The following IQCB1 variants were observed in gnomAD, a reference collection of about 807,000 sequenced individuals.
IQCB1 encodes IQ calmodulin-binding motif-containing protein 1.
In IQCB1, 56 loss-of-function variants were observed where a neutral mutation model predicts 84.4. The observed-to-expected ratio is 0.66, with a 90% CI of 0.54 to 0.83. The LOEUF (loss-of-function observed/expected upper bound fraction) is 0.83, where lower values mean the gene tolerates loss of function less well. IQCB1 is among the 40% of genes least tolerant of loss of function. IQCB1 has a pLI of 0.00. For missense variants in IQCB1, 629 were observed against 682.1 expected, an observed-to-expected ratio of 0.92 and a Z score of 0.87; for synonymous variants, 210 against 234.8, an observed-to-expected ratio of 0.89 and a Z score of 0.96.
intron 10 of IQCB1, among the ~76,000 whole-genome samples, chr3:121,794,580 CAAT>C (rs1406608976): frequency 1.3e-5 from 2 of 151,942 alleles, no homozygotes; most frequent in Admixed American, 6.5e-5. Context: ...TATTCATGCC[CAAT>C]AATATTTAAA....
At chr3:121,802,329 T>C (rs143145367) in intron 7 of IQCB1, among the ~76,000 whole-genome samples, 35 of 152,242 alleles carry the variant, frequency 2.3e-4, no homozygotes, top group African/African-American at 8.4e-4. Flanking sequence ...TAGAGTATAT[T>C]TGGGTTCTCT....
chr3:121,815,266 CAAT>C (rs1950008610), intron 5 of IQCB1, among the ~76,000 whole-genome samples: 1 of 152,044 alleles, frequency 6.6e-6, no homozygotes, highest in South Asian at 2.1e-4. Context: ...TATCTCAAAA[CAAT>C]AATAACTATT....
intron 10 of IQCB1, among the ~76,000 whole-genome samples, chr3:121,790,785 A>AG (rs11374690): frequency 0.65 from 97,496 of 151,056 alleles, 31,797 homozygotes; most frequent in African/African-American, 0.72. Flanking sequence ...TTACTTACAC[A>AG]AAAAAAAAAT....
chr3:121,795,779 A>G (rs1237648711), intron 9 of IQCB1, among the ~76,000 whole-genome samples: 1 of 152,148 alleles, frequency 6.6e-6, no homozygotes, highest in East Asian at 1.9e-4. Context: ...GTTAGCTCCA[A>G]ATTCTCCCAG....
chr3:121,821,729 G>GA (rs1156282328), intron 5 of IQCB1, among the ~76,000 whole-genome samples: 3 of 152,144 alleles, frequency 2.0e-5, no homozygotes, highest in South Asian at 2.1e-4. Context: ...ATAAACTCGG[G>GA]AAAAAATATA....
At chr3:121,830,189 G>A (rs1950588197) in intron 2 of IQCB1, among the ~76,000 whole-genome samples, 2 of 140,688 alleles carry the variant, frequency 1.4e-5, no homozygotes, top group Admixed American at 1.5e-4. Flanking sequence ...GAGTGACAGA[G>A]CTAGACTCTG....
chr3:121,799,045 C>CTTTTTTTTTTTT, intron 8 of IQCB1, 151 bp downstream of exon 8: 1 of 564,264 alleles, frequency 1.8e-6, no homozygotes, highest in Non-Finnish European at 3.2e-6. Flanking sequence ...TATATAAAGA[C>CTTTTTTTTTTTT]TTTTTTTTTT....
intron 6 of IQCB1, 88 bp downstream of exon 6, chr3:121,808,828 T>C (rs1949709166): frequency 1.3e-6 from 1 of 780,040 alleles, no homozygotes; most frequent in Non-Finnish European, 2.3e-6. Context: ...GCACAGTTCA[T>C]GTGGCATTTG....
chr3:121,788,372 T>C lies in IQCB1; in HGVS notation c.1190A>G (p.His397Arg), dbSNP rs149316254. ...EEKSALIIQKHWRGYRERKNF... is the reference protein window; with the variant it reads ...EEKSALIIQKRWRGYRERKNF... Reference sequence around the variant, plus strand: ...TTTCCTTTCCCTGTACCCTCTCCAATGTTTCTGGATAATCAGTGCTGATTT... The same window carrying C: ...TTTCCTTTCCCTGTACCCTCTCCAACGTTTCTGGATAATCAGTGCTGATTT... Residue 397 changes from histidine (H) to arginine (R), a missense_variant, in exon 12 of 15, where the codon CAT becomes CGT. Coordinates refer to ENST00000310864, the MANE Select transcript of IQCB1 (RefSeq NM_001023570.4). The C allele has an allele frequency of 8.7e-6, 14 of 1,613,638 alleles. No homozygotes were observed. The African/African-American group carries it at 1.6e-4, about 18-fold the overall frequency.
intron 1 of IQCB1, among the ~76,000 whole-genome samples, 194 bp downstream of exon 1, chr3:121,834,772 G>A (rs1448627589): frequency 1.3e-5 from 2 of 152,312 alleles, no homozygotes; most frequent in Non-Finnish European, 2.9e-5. Flanking sequence ...ACTAGGCCCT[G>A]TGCCTGGACA....
At chr3:121,832,291 T>A (rs1950668794) in intron 2 of IQCB1, among the ~76,000 whole-genome samples, 1 of 152,008 alleles carries the variant, frequency 6.6e-6, no homozygotes, top group Non-Finnish European at 1.5e-5. Context: ...TTTATTTTTT[T>A]AAATTTGACT....
Position 121,770,205 on chromosome 3 carries a change from T to C in IQCB1, c.*140A>G. On this transcript the variant is annotated 3_prime_UTR_variant, in exon 15 of 15. Coordinates refer to ENST00000310864, the MANE Select transcript of IQCB1 (RefSeq NM_001023570.4). The stretch of plus-strand genomic sequence containing the variant: ...TGAGAGAGAGGTAGAATATAACTCT[T>C]TGCTTACTGCAGGTCTTGTCTGGAG... 1 of 638,646 alleles carries C rather than the reference T, an allele frequency of 1.6e-6. No individual in the cohort carries two copies. 39.6% of individuals were successfully genotyped at this position (638,646 alleles called of 1,614,324 possible).
chr3:121,821,652 T>C (rs1015233560), intron 5 of IQCB1, among the ~76,000 whole-genome samples: 2 of 152,198 alleles, frequency 1.3e-5, no homozygotes, highest in Admixed American at 6.5e-5. Context: ...AACTTAATTT[T>C]TAAAAATAAG....
intron 10 of IQCB1, among the ~76,000 whole-genome samples, chr3:121,793,277 T>C (rs978558213): frequency 2.0e-5 from 3 of 152,182 alleles, no homozygotes; most frequent in African/African-American, 7.2e-5. Context: ...AGACAAAGTT[T>C]CTGAATACGA....
chr3:121,795,334 G>GA (rs1294590459), intron 10 of IQCB1, 123 bp downstream of exon 10: 17 of 710,464 alleles, frequency 2.4e-5, no homozygotes, highest in Admixed American at 1.1e-4. Context: ...GAAACGTATG[G>GA]AAAAAAAATG....
chr3:121,794,047 G>C (rs557529992), intron 10 of IQCB1, among the ~76,000 whole-genome samples: 45 of 151,922 alleles, frequency 3.0e-4, no homozygotes, highest in Admixed American at 1.1e-3. Flanking sequence ...GCAATACCAA[G>C]AGCACCTCAG....
At chr3:121,831,463 C>A (rs929893248) in intron 2 of IQCB1, among the ~76,000 whole-genome samples, 2 of 152,126 alleles carry the variant, frequency 1.3e-5, no homozygotes, top group Admixed American at 6.5e-5. Flanking sequence ...AATTAATACA[C>A]CCCAAGGTGT....
chr3:121,776,830 AAC>A (rs1355373348), intron 13 of IQCB1, among the ~76,000 whole-genome samples: 1 of 152,212 alleles, frequency 6.6e-6, no homozygotes, highest in Non-Finnish European at 1.5e-5. Flanking sequence ...TAAAAAACAA[AAC>A]AACTAGTTCA....
At chr3:121,792,365 A>G (rs1170434346) in intron 10 of IQCB1, among the ~76,000 whole-genome samples, 2 of 152,068 alleles carry the variant, frequency 1.3e-5, no homozygotes, top group East Asian at 3.9e-4. Context: ...AGACAGGACA[A>G]AAGTGAGATT....
Sources: allele counts gnomAD v4.1 joint callset (sites outside exome capture counted in the v4.1 genomes callset), GRCh38; gene constraint gnomAD v4.1.1; transcripts MANE v1.5; gene names NCBI Gene and HGNC (gene_info 2026-07-23, HGNC 2026-07-21).